Variants in SATB2 observed in about 807,000 individuals in gnomAD.
SATB2 encodes SATB homeobox 2, also known as DNA-binding protein SATB2.
In SATB2, 1 loss-of-function variant was observed where a neutral mutation model predicts 73.4. That is an observed-to-expected ratio of 0.01 (90% CI 0.00 to 0.06). SATB2 has a LOEUF of 0.06. Among genes scored for constraint, SATB2 ranks in the 10% least tolerant of loss-of-function variants. The pLI is 1.00. For missense variants in SATB2, 459 were observed against 945.8 expected, an observed-to-expected ratio of 0.49 and a Z score of 6.75; for synonymous variants, 397 against 367.0, an observed-to-expected ratio of 1.08 and a Z score of -0.93.
intron 10 of SATB2, among the ~76,000 whole-genome samples, chr2:199,303,770 G>C (rs866145891): frequency 6.6e-6 from 1 of 152,092 alleles, no homozygotes; most frequent in Non-Finnish European, 1.5e-5. Context: ...GTTGAAAATC[G>C]CCTGAGAAGC....
At chr2:199,438,336 C>T (rs1329047690) in intron 2 of SATB2, among the ~76,000 whole-genome samples, 5 of 152,172 alleles carry the variant, frequency 3.3e-5, no homozygotes, top group Non-Finnish European at 7.3e-5. Flanking sequence ...ACATTTATCA[C>T]AAACTGATAC....
At chr2:199,410,528 T>A (rs765398424) in intron 3 of SATB2, among the ~76,000 whole-genome samples, 1 of 152,200 alleles carries the variant, frequency 6.6e-6, no homozygotes. Flanking sequence ...TCTGCAAACC[T>A]TGCTTCTTCG....
At chr2:199,376,764 A>G (rs1033560464) in intron 5 of SATB2, among the ~76,000 whole-genome samples, 9 of 152,188 alleles carry the variant, frequency 5.9e-5, no homozygotes, top group African/African-American at 2.2e-4. Context: ...AGGGTTATTT[A>G]CAAAGGCTAC....
At chr2:199,318,425 T>C (rs375993770) in intron 9 of SATB2, among the ~76,000 whole-genome samples, 5 of 152,274 alleles carry the variant, frequency 3.3e-5, no homozygotes, top group East Asian at 1.9e-4. Context: ...TTATATTTTG[T>C]AAATTTACTC....
At chr2:199,443,683 C>G in intron 2 of SATB2, among the ~76,000 whole-genome samples, 1 of 152,096 alleles carries the variant, frequency 6.6e-6, no homozygotes, top group East Asian at 1.9e-4. Flanking sequence ...TTCACAAAGC[C>G]GAGCTTAAGC....
intron 3 of SATB2, among the ~76,000 whole-genome samples, chr2:199,432,291 T>C (rs1265284128): frequency 6.6e-6 from 1 of 152,194 alleles, no homozygotes; most frequent in Non-Finnish European, 1.5e-5. Flanking sequence ...ATCATCTACT[T>C]ACAGAATCAA....
intron 6 of SATB2, among the ~76,000 whole-genome samples, chr2:199,366,439 T>C (rs970190291): frequency 1.4e-4 from 21 of 152,082 alleles, no homozygotes; most frequent in African/African-American, 5.1e-4. Flanking sequence ...AACACTTCCC[T>C]TTTTCTGAGG....
At chr2:199,426,239 T>C (rs187180101) in intron 3 of SATB2, among the ~76,000 whole-genome samples, 20 of 152,128 alleles carry the variant, frequency 1.3e-4, no homozygotes, top group South Asian at 4.2e-4. Flanking sequence ...AAGGAAGAAA[T>C]AGAGAAAGCA....
chr2:199,396,986 T>C (rs1393248988), intron 3 of SATB2: 1 of 151,934 alleles, frequency 6.6e-6, no homozygotes, highest in African/African-American at 2.4e-5. Context: ...GCACAAACCA[T>C]CTTCCTGAAT....
upstream of SATB2, chr2:199,468,866 C>G (rs1401995329): frequency 6.6e-6 from 1 of 152,256 alleles, no homozygotes; most frequent in Non-Finnish European, 1.5e-5. Flanking sequence ...CTGCAAATAC[C>G]CTGATCAGTT....
chr2:199,423,201 AG>A (rs1262874348), intron 3 of SATB2, among the ~76,000 whole-genome samples: 1 of 152,142 alleles, frequency 6.6e-6, no homozygotes, highest in African/African-American at 2.4e-5. Flanking sequence ...TTACATATTG[AG>A]TTGCTTATTT....
At chr2:199,332,798 C>T (rs562944307) in intron 7 of SATB2, among the ~76,000 whole-genome samples, 1 of 152,180 alleles carries the variant, frequency 6.6e-6, no homozygotes, top group South Asian at 2.1e-4. Flanking sequence ...GTCTGGGAAA[C>T]GTTATCATGA....
intron 9 of SATB2, among the ~76,000 whole-genome samples, chr2:199,313,912 T>C (rs1687660471): frequency 6.6e-6 from 1 of 152,162 alleles, no homozygotes; most frequent in South Asian, 2.1e-4. Flanking sequence ...CCTACTGACC[T>C]TGTGCTCCAG....
intron 10 of SATB2, among the ~76,000 whole-genome samples, chr2:199,284,615 A>G (rs1692630228): frequency 6.6e-6 from 1 of 152,170 alleles, no homozygotes; most frequent in African/African-American, 2.4e-5. Flanking sequence ...GTCAGACTTT[A>G]AAATATTTGC....
intron 10 of SATB2, among the ~76,000 whole-genome samples, chr2:199,278,137 A>T (rs537312995): frequency 3.3e-5 from 5 of 152,308 alleles, no homozygotes; most frequent in South Asian, 2.1e-4. Context: ...GGTGACTCAG[A>T]GAAGGCTCCC....
intron 6 of SATB2, among the ~76,000 whole-genome samples, chr2:199,350,747 G>C (rs1232166708): frequency 6.6e-6 from 1 of 152,046 alleles, no homozygotes; most frequent in Admixed American, 6.6e-5. Context: ...GTTAAGCTGG[G>C]CATGGTGGCT....
At chr2:199,367,204 G>C (rs552565923) in intron 6 of SATB2, among the ~76,000 whole-genome samples, 1 of 152,122 alleles carries the variant, frequency 6.6e-6, no homozygotes, top group East Asian at 1.9e-4. Context: ...GCCACACATC[G>C]ATGTCTTATA....
intron 3 of SATB2, among the ~76,000 whole-genome samples, chr2:199,406,220 C>A (rs1341585821): frequency 1.3e-5 from 2 of 152,042 alleles, no homozygotes; most frequent in Non-Finnish European, 2.9e-5. Context: ...AAGGATGATT[C>A]TATTATTATT....
At chr2:199,373,225 C>G (rs997281867) in intron 5 of SATB2, among the ~76,000 whole-genome samples, 1 of 152,222 alleles carries the variant, frequency 6.6e-6, no homozygotes, top group African/African-American at 2.4e-5. Context: ...CAAAGACAGG[C>G]AATGAGTGAG....
Sources: allele counts gnomAD v4.1 joint callset (sites outside exome capture counted in the v4.1 genomes callset), GRCh38; gene constraint gnomAD v4.1.1; transcripts MANE v1.5; gene names NCBI Gene and HGNC (gene_info 2026-07-23, HGNC 2026-07-21).